The following RGS5 variants were observed in gnomAD, a reference collection of about 807,000 sequenced individuals.
RGS5 encodes the protein regulator of G-protein signalling 5.
Under a neutral mutation model 18.9 loss-of-function variants are expected in RGS5, and 20 were observed. The observed-to-expected ratio is 1.06, with a 90% CI of 0.74 to 1.54. RGS5 has a LOEUF of 1.54. Among genes scored for constraint, RGS5 ranks in the 40% most tolerant of loss-of-function variants. The probability of loss-of-function intolerance (pLI) is 0.00; values close to 1 mark genes in which losing one functional copy is unlikely to be tolerated. For missense variants in RGS5, 201 were observed against 211.8 expected, an observed-to-expected ratio of 0.95 and a Z score of 0.32; for synonymous variants, 57 against 76.2, an observed-to-expected ratio of 0.75 and a Z score of 1.31.
Position 163,259,322 on chromosome 1 carries a change from T to A in RGS5, c.-281+46911A>T, listed in dbSNP as rs554085710. The stretch of plus-strand genomic sequence containing the variant: ...ATCTGCCACCATGCCCGGCTAATTT[T>A]TTTTTTTTTATCTTTTTTTTTTCAG... On this transcript the variant is annotated intron_variant, in intron 2 of 5. Transcript: ENST00000618415. Among the ~76,000 whole-genome samples, 16 of 151,890 alleles carry A rather than the reference T, an allele frequency of 1.1e-4. No individual in the cohort carries two copies. The East Asian group carries it at 3.1e-3, about 30-fold the overall frequency.
Position 163,230,670 on chromosome 1 carries a change from A to G in RGS5, c.-280-62302T>C, listed in dbSNP as rs182491572. ...TTCAGTGATACTATTCTGCCACTAA[A>G]TTACTTTTACCACTAATTAACTCTG... On this transcript the variant is annotated intron_variant, in intron 2 of 5. Coordinates refer to the RGS5 transcript ENST00000618415. Among the ~76,000 whole-genome samples, 3 of 152,210 alleles carry G rather than the reference A, an allele frequency of 2.0e-5. No homozygotes were observed. In the East Asian group the frequency reaches 5.8e-4, roughly 29 times the overall value.
intron 2 of RGS5, among the ~76,000 whole-genome samples, chr1:163,239,977 T>A (rs1449650557): frequency 3.3e-5 from 5 of 152,226 alleles, no homozygotes; most frequent in Middle Eastern, 3.4e-3. Context: ...TTATCTGAAT[T>A]CCAAAATAAA....
Position 163,147,313 on chromosome 1 carries a change from C to T in RGS5, c.*29G>A. The T allele has an allele frequency of 6.4e-7, 1 of 1,557,944 alleles. No homozygotes were observed. The highest frequency in any genetic ancestry group is 8.7e-7 in the Non-Finnish European group (1 of 1,154,830). On this transcript the variant is annotated 3_prime_UTR_variant, in exon 5 of 5. Coordinates refer to ENST00000313961, the MANE Select transcript of RGS5 (RefSeq NM_003617.4). ...GGGTTATTATGGAGGAAATAACTCA[C>T]AGGATGATTTCATAGCCTGGCTAAA...
At chr1:163,204,841 G>A (rs982544980), upstream of RGS5, among the ~76,000 whole-genome samples, 5 of 152,108 alleles carry the variant, frequency 3.3e-5, no homozygotes, top group African/African-American at 1.2e-4. Flanking sequence ...ATACCAAGGG[G>A]CCTTGAGGAG....
chr1:163,305,701 C>G (rs1649678645), intron 2 of RGS5, among the ~76,000 whole-genome samples: 1 of 152,206 alleles, frequency 6.6e-6, no homozygotes, highest in Non-Finnish European at 1.5e-5. Flanking sequence ...AATGGGAGCT[C>G]TACAGTGGGC....
chr1:163,303,030 C>T (rs985693877), intron 2 of RGS5, among the ~76,000 whole-genome samples: 19 of 152,154 alleles, frequency 1.2e-4, no homozygotes, highest in Non-Finnish European at 2.1e-4. Flanking sequence ...TTCCACAGAG[C>T]CTAGCTTCTA....
At chr1:163,233,347 T>A (rs1450692853) in intron 2 of RGS5, among the ~76,000 whole-genome samples, 2 of 152,238 alleles carry the variant, frequency 1.3e-5, no homozygotes, top group Non-Finnish European at 2.9e-5. Flanking sequence ...TGATCTGTAA[T>A]AAAAGATGTT....
intron 1 of RGS5, among the ~76,000 whole-genome samples, chr1:163,199,759 T>C (rs944204650): frequency 6.6e-6 from 1 of 152,040 alleles, no homozygotes; most frequent in African/African-American, 2.4e-5. Flanking sequence ...TTATTTTTCA[T>C]TATTTGATTC....
intron 2 of RGS5, among the ~76,000 whole-genome samples, chr1:163,269,970 T>C (rs1181871864): frequency 6.6e-6 from 1 of 152,154 alleles, no homozygotes; most frequent in Non-Finnish European, 1.5e-5. Flanking sequence ...ATCTCTATTA[T>C]TAAACTCTAA....
chr1:163,242,183 T>C (rs1238616067), intron 2 of RGS5, among the ~76,000 whole-genome samples: 1 of 152,200 alleles, frequency 6.6e-6, no homozygotes, highest in Non-Finnish European at 1.5e-5. Flanking sequence ...TAGTGGCTCC[T>C]TGAGGATAGA....
At chr1:163,300,627 C>G (rs562984155) in intron 2 of RGS5, 2 of 152,256 alleles carry the variant, frequency 1.3e-5, no homozygotes, top group South Asian at 4.1e-4. Context: ...TAATTGGCCT[C>G]AAGAGGATTC....
In RGS5 at chr1:163,156,368, T is replaced by C. The variant is rs138084180; in HGVS notation, c.218-3652A>G. On this transcript the variant is annotated intron_variant, in intron 3 of 4. Coordinates refer to ENST00000313961, the MANE Select transcript of RGS5 (RefSeq NM_003617.4). Reference sequence around the variant, plus strand: ...AATACATGTTGGTGTTCATTATTGTTATTCATTACAAATTTAAAATTAATC... The same window carrying C: ...AATACATGTTGGTGTTCATTATTGTCATTCATTACAAATTTAAAATTAATC... Among the ~76,000 whole-genome samples, 14 of 152,306 alleles carry C rather than the reference T, an allele frequency of 9.2e-5. No individual in the cohort carries two copies. In the East Asian group the frequency reaches 2.7e-3, roughly 29 times the overall value.
intron 1 of RGS5, among the ~76,000 whole-genome samples, chr1:163,193,425 C>T (rs1659436237): frequency 6.6e-6 from 1 of 152,080 alleles, no homozygotes; most frequent in Non-Finnish European, 1.5e-5. Context: ...AGTTATTCTA[C>T]CTAGGCATGG....
intron 2 of RGS5, among the ~76,000 whole-genome samples, chr1:163,269,323 C>T (rs1648651838): frequency 6.6e-6 from 1 of 152,054 alleles, no homozygotes; most frequent in Non-Finnish European, 1.5e-5. Flanking sequence ...AGGCATGGTG[C>T]TAAGCATAGC....
intron 2 of RGS5, among the ~76,000 whole-genome samples, chr1:163,235,220 T>C (rs1420744470): frequency 6.6e-6 from 1 of 152,218 alleles, no homozygotes; most frequent in Non-Finnish European, 1.5e-5. Context: ...GATCTCATCA[T>C]ATAAATCCGG....
At position 163,175,738 on chromosome 1, in the gene RGS5, T is replaced by C. The variant is rs150134011; in HGVS notation, c.45-7370A>G. Among the ~76,000 whole-genome samples the C allele has an allele frequency of 7.6e-4, 116 of 152,384 alleles. 1 individual carries two copies. Among genetic ancestry groups the C allele is most frequent in the African/African-American group, 2.7e-3 (114 of 41,586 alleles). On this transcript the variant is annotated intron_variant, in intron 1 of 4. Transcript: ENST00000313961. ...AAAGAGAAGTTTAGTAATAGTGTGA[T>C]ATCATGTTAAAACATGTATTTATTT...
intron 1 of RGS5, among the ~76,000 whole-genome samples, chr1:163,192,581 T>G (rs1178827747): frequency 1.3e-5 from 2 of 152,240 alleles, no homozygotes; most frequent in Non-Finnish European, 2.9e-5. Flanking sequence ...ACTTTCAGTT[T>G]GTGTGCACAA....
intron 2 of RGS5, among the ~76,000 whole-genome samples, chr1:163,296,802 CTG>C (rs1421371499): frequency 6.6e-6 from 1 of 152,114 alleles, no homozygotes; most frequent in Non-Finnish European, 1.5e-5. Context: ...CAAAATATGA[CTG>C]TAGAAGAACA....
chr1:163,279,379 G>C (rs1247313767), intron 2 of RGS5, among the ~76,000 whole-genome samples: 2 of 151,842 alleles, frequency 1.3e-5, no homozygotes, highest in Non-Finnish European at 2.9e-5. Flanking sequence ...TCTGGAAACT[G>C]TACAAATAAT....
Sources: gnomAD v4.1 joint callset for allele counts (sites outside exome capture counted in the v4.1 genomes callset) on GRCh38, gnomAD v4.1.1 for gene constraint, MANE v1.5 for transcripts, NCBI Gene and HGNC (gene_info 2026-07-23, HGNC 2026-07-21) for gene names.